The following TRIP11 variants were observed in gnomAD, a reference collection of about 807,000 sequenced individuals.
TRIP11 encodes thyroid receptor-interacting protein 11.
In TRIP11, 148 loss-of-function variants were observed where a neutral mutation model predicts 223.1. The observed-to-expected ratio is 0.66, with a 90% confidence interval of 0.58 to 0.76. The LOEUF is 0.76. Ranked by LOEUF, TRIP11 falls within the 30% of genes least tolerant of loss-of-function variation. TRIP11 has a pLI of 0.00. For synonymous variants in TRIP11, 762 were observed against 772.6 expected (o/e 0.99, Z 0.23); for missense variants, 2,043 against 2,222.0 (o/e 0.92, Z 1.62).
At position 92,006,217 on chromosome 14, in the gene TRIP11, T is replaced by C. The variant is rs2056900635; in HGVS notation, c.1759A>G (p.Asn587Asp). Residue 587 changes from asparagine to aspartate, a missense_variant, in exon 11 of 21, where the codon AAT becomes GAT. Coordinates refer to ENST00000267622, the MANE Select transcript of TRIP11 (RefSeq NM_004239.4). ...GATTTATTTAGCTGATCTACTAAATTTTCTACTTTGTCCTCAAGTTTCTGC... is the reference window on the plus strand; with the variant it reads ...GATTTATTTAGCTGATCTACTAAATCTTCTACTTTGTCCTCAAGTTTCTGC... ...TKQKLEDKVE[N>D]LVDQLNKSQE... The C allele has an allele frequency of 6.2e-7, 1 of 1,613,210 alleles. No homozygotes were observed. Among genetic ancestry groups the C allele is most frequent in the Admixed American group, 1.7e-5 (1 of 59,964 alleles).
intron 3 of TRIP11, among the ~76,000 whole-genome samples, 180 bp downstream of exon 3, chr14:92,025,130 A>G (rs1053036083): frequency 3.3e-5 from 5 of 152,180 alleles, no homozygotes; most frequent in African/African-American, 4.8e-5. Flanking sequence ...AATAAAGTTT[A>G]CATTACCTTA....
Position 92,006,383 on chromosome 14 carries a change from T to C in TRIP11, c.1593A>G (p.Lys531=). 6.2e-7 allele frequency: 1 copy of C among 1,613,124 alleles called. No homozygotes were observed. The highest frequency in any genetic ancestry group is 1.7e-5 in the Admixed American group (1 of 59,980). ...TTTCATCATTTAGATCTTGTTTCAG[T>C]TTACTGATGATGCTATCTCCTTCAT... The part of the protein sequence containing the change: ...QQNEGDSIIS[K]LKQDLNDEKK... Residue 531 remains lysine (K), a synonymous_variant, in exon 11 of 21, where the codon AAA becomes AAG. Coordinates refer to ENST00000267622, the MANE Select transcript of TRIP11 (RefSeq NM_004239.4).
At position 91,975,305 on chromosome 14, in the gene TRIP11, A is replaced by G. The variant is rs1326601534; in HGVS notation, c.5343-19T>C. The G allele has an allele frequency of 1.9e-6, 3 of 1,580,740 alleles. No individual in the cohort carries two copies. The South Asian group carries it at 3.3e-5, about 18-fold the overall frequency. ...TAGGACTCTATGAAAATAAAGGCAG[A>G]AACAGCTCAAGTGAACTCAACATTA... On this transcript the variant is annotated intron_variant, in intron 17 of 20. Coordinates refer to ENST00000267622, the MANE Select transcript of TRIP11 (RefSeq NM_004239.4).
At chr14:91,984,779 A>G (rs1375620062) in intron 16 of TRIP11, among the ~76,000 whole-genome samples, 3 of 152,148 alleles carry the variant, frequency 2.0e-5, no homozygotes, top group African/African-American at 2.4e-5. Context: ...GGAATTCTGA[A>G]CTCTGATCAG....
At chr14:91,983,641 G>A (rs1265364266) in intron 16 of TRIP11, among the ~76,000 whole-genome samples, 1 of 152,136 alleles carries the variant, frequency 6.6e-6, no homozygotes, top group African/African-American at 2.4e-5. Flanking sequence ...ATACCCAGAT[G>A]TTTATATCAT....
chr14:92,019,947 A>G (rs1303358356), intron 4 of TRIP11, among the ~76,000 whole-genome samples: 3 of 152,174 alleles, frequency 2.0e-5, no homozygotes, highest in African/African-American at 4.8e-5. Context: ...CATCCTCAAG[A>G]TATCTCATTA....
intron 2 of TRIP11, chr14:92,026,812 C>A: frequency 1.8e-5 from 25 of 1,356,592 alleles, no homozygotes; most frequent in Non-Finnish European, 2.4e-5. Context: ...AGTCAGCTAC[C>A]GGCAAGTGGG....
chr14:92,007,214 C>T (rs1045942410), intron 10 of TRIP11, among the ~76,000 whole-genome samples: 20 of 151,704 alleles, frequency 1.3e-4, no homozygotes, highest in South Asian at 6.2e-4. Context: ...TTAGTAGAGA[C>T]GGGGTTTCAC....
At position 91,966,172 on chromosome 14, in the gene TRIP11, ATTT is replaced by A. The variant is rs2056340747; in HGVS notation, c.*3498_*3500del. ...CGTTGGAAATTTCCCACGTTTAGAT[ATTT>A]CCCTAAAAATCAAAAGACAATTTAA... On this transcript the variant is annotated 3_prime_UTR_variant, in exon 21 of 21. Coordinates refer to ENST00000267622, the MANE Select transcript of TRIP11 (RefSeq NM_004239.4). The A allele has an allele frequency of 5.7e-6, 1 of 175,550 alleles. No individual in the cohort carries two copies. Among genetic ancestry groups the A allele is most frequent in the African/African-American group, 2.4e-5 (1 of 42,202 alleles). The allele number at this position is 175,550 out of a possible 1,614,324, so 10.9% of individuals were successfully genotyped here.
chr14:91,980,416 G>C (rs1222696313), intron 16 of TRIP11, among the ~76,000 whole-genome samples: 4 of 152,208 alleles, frequency 2.6e-5, no homozygotes, highest in African/African-American at 9.6e-5. Flanking sequence ...CACAGAACTT[G>C]AGAGTCAGAA....
intron 20 of TRIP11, 97 bp from the exon 21 acceptor site, chr14:91,969,990 T>C (rs975009002): frequency 5.9e-6 from 7 of 1,189,160 alleles, no homozygotes; most frequent in South Asian, 5.3e-5. Flanking sequence ...CTGTGTAATA[T>C]TGTTAAATTG....
intron 2 of TRIP11, among the ~76,000 whole-genome samples, chr14:92,032,727 G>A (rs1381100022): frequency 3.3e-5 from 5 of 151,810 alleles, no homozygotes; most frequent in Non-Finnish European, 7.4e-5. Flanking sequence ...CAGCTACTCG[G>A]GGGGCTGAGG....
intron 16 of TRIP11, among the ~76,000 whole-genome samples, chr14:91,983,833 T>C (rs1204184948): frequency 6.6e-6 from 1 of 152,256 alleles, no homozygotes; most frequent in African/African-American, 2.4e-5. Flanking sequence ...ATATGTTTTC[T>C]TGTATAAATC....
chr14:91,981,006 A>ATC (rs1405167929), intron 16 of TRIP11, among the ~76,000 whole-genome samples: 4 of 66,138 alleles, frequency 6.0e-5, no homozygotes, highest in Non-Finnish European at 1.2e-4. Context: ...ATATATATAT[A>ATC]TATATATTTT....
chr14:91,995,440 C>A lies in TRIP11; in HGVS notation c.4968G>T (p.Ala1656=), dbSNP rs768646025. The A allele has an allele frequency of 4.3e-6, 7 of 1,613,990 alleles. No individual in the cohort carries two copies. The African/African-American group carries it at 9.3e-5, about 22-fold the overall frequency. The change falls in exon 14 of 21, where the codon GCG becomes GCT. Residue 1656 remains alanine, a synonymous_variant. Transcript: ENST00000267622. ...NVVSKQRDET[A]LQLSVSQEQV... ...GTTCCTGAGAGACAGAAAGCTGCAGCGCAGTTTCATCCCTTTGCTTGGAAA... is the reference window on the plus strand; with the variant it reads ...GTTCCTGAGAGACAGAAAGCTGCAGAGCAGTTTCATCCCTTTGCTTGGAAA...
Position 92,014,397 on chromosome 14 carries a change from T to A in TRIP11, c.1004A>T (p.Glu335Val). Residue 335 changes from glutamate (E) to valine (V), a missense_variant, in exon 7 of 21, where the codon GAA becomes GTA. Coordinates refer to ENST00000267622, the MANE Select transcript of TRIP11 (RefSeq NM_004239.4). Reference sequence around the variant, plus strand: ...CTTTTCCACATTTAGCTGTTCTTGTTCTCTCCTCAAAATATCTCTGTCATT... The same window carrying A: ...CTTTTCCACATTTAGCTGTTCTTGTACTCTCCTCAAAATATCTCTGTCATT... ...AENDRDILRREQEQLNVEKRQ... is the reference protein window; with the variant it reads ...AENDRDILRRVQEQLNVEKRQ... 1.2e-6 allele frequency: 2 copies of A among 1,613,524 alleles called. No individual in the cohort carries two copies. The highest frequency in any genetic ancestry group is 1.7e-6 in the Non-Finnish European group (2 of 1,179,832).
Position 92,011,045 on chromosome 14 carries a change from T to G in TRIP11, c.1255A>C (p.Lys419Gln), listed in dbSNP as rs768332653. The change falls in exon 9 of 21, where the codon AAA becomes CAA. Residue 419 changes from lysine (K) to glutamine (Q), a missense_variant. Transcript: ENST00000267622. The part of the protein sequence containing the change: ...QDNSLAEDNL[K>Q]LKMRIEVLEK... ...AAAACTTCGATACGCATTTTAAGTTTCAGATTGTCTTCAGCAAGACTGTTA... is the reference window on the plus strand; with the variant it reads ...AAAACTTCGATACGCATTTTAAGTTGCAGATTGTCTTCAGCAAGACTGTTA... 67 of 1,613,962 alleles carry G rather than the reference T, an allele frequency of 4.2e-5. No individual in the cohort carries two copies. In the South Asian group the frequency reaches 6.0e-4, roughly 15 times the overall value.
chr14:92,021,412 A>C (rs1407310787), intron 4 of TRIP11, 144 bp downstream of exon 4: 35 of 790,334 alleles, frequency 4.4e-5, no homozygotes, highest in Non-Finnish European at 6.7e-5. Context: ...AAAAGAAAGA[A>C]AGTCACTGAC....
intron 9 of TRIP11, among the ~76,000 whole-genome samples, chr14:92,008,329 A>G (rs1358224009): frequency 6.6e-6 from 1 of 152,154 alleles, no homozygotes; most frequent in Non-Finnish European, 1.5e-5. Flanking sequence ...TCCTTCACCC[A>G]AATGTTTAGC....
Sources: allele counts gnomAD v4.1 joint callset (sites outside exome capture counted in the v4.1 genomes callset), GRCh38; gene constraint gnomAD v4.1.1; transcripts MANE v1.5; gene names NCBI Gene and HGNC (gene_info 2026-07-23, HGNC 2026-07-21).